The following QTMAN variants were observed in gnomAD, a reference collection of about 807,000 sequenced individuals.
QTMAN encodes the protein queuosine-tRNA mannosyltransferase.
chr2:143,981,734 C>A, the QTMAN span, among the ~76,000 whole-genome samples: 4 of 152,042 alleles, frequency 2.6e-5, no homozygotes, highest in African/African-American at 9.7e-5. Context: ...GCTAAGTATA[C>A]CAGATTGTCA....
the QTMAN span, among the ~76,000 whole-genome samples, chr2:144,091,522 T>C: frequency 6.8e-4 from 103 of 152,318 alleles, no homozygotes; most frequent in African/African-American, 2.0e-3. Context: ...TTAGAAAAGA[T>C]TGACCTTATC....
At chr2:144,246,893 G>C in the QTMAN span, among the ~76,000 whole-genome samples, 3 of 152,192 alleles carry the variant, frequency 2.0e-5, no homozygotes, top group Middle Eastern at 3.2e-3. Context: ...CTTGGACTTT[G>C]CAAGAGCAAG....
chr2:144,009,684 A>C, the QTMAN span, among the ~76,000 whole-genome samples: 1 of 152,154 alleles, frequency 6.6e-6, no homozygotes, highest in Non-Finnish European at 1.5e-5. Flanking sequence ...TAGTAAATTT[A>C]GTCCTTGATT....
chr2:144,285,194 G>A, the QTMAN span, among the ~76,000 whole-genome samples: 3 of 152,026 alleles, frequency 2.0e-5, no homozygotes, highest in African/African-American at 7.2e-5. Context: ...TATTCTTCCA[G>A]AATTCCTTCT....
chr2:144,330,638 A>G, the QTMAN span, among the ~76,000 whole-genome samples: 6 of 152,370 alleles, frequency 3.9e-5, no homozygotes, highest in South Asian at 2.1e-4. Context: ...ATTTTAATCT[A>G]ATGGGTCCAA....
the QTMAN span, among the ~76,000 whole-genome samples, chr2:143,972,181 A>T: frequency 1.3e-5 from 2 of 152,174 alleles, no homozygotes; most frequent in Non-Finnish European, 2.9e-5. Context: ...AAGACTCAAA[A>T]CAGTTTGAAA....
the QTMAN span, among the ~76,000 whole-genome samples, chr2:144,317,828 TG>T: frequency 6.6e-6 from 1 of 152,124 alleles, no homozygotes; most frequent in Non-Finnish European, 1.5e-5. Flanking sequence ...TTTGCAACTG[TG>T]TTCTCTAATT....
the QTMAN span, among the ~76,000 whole-genome samples, chr2:144,180,967 T>C: frequency 6.6e-6 from 1 of 152,198 alleles, no homozygotes; most frequent in South Asian, 2.1e-4. Flanking sequence ...ACAGATTCAC[T>C]AGTAATACTG....
chr2:143,996,081 G>C, the QTMAN span, among the ~76,000 whole-genome samples: 1 of 152,186 alleles, frequency 6.6e-6, no homozygotes. Flanking sequence ...ATCCACTAAG[G>C]TAGGTTCACT....
At chr2:144,032,629 T>C in the QTMAN span, among the ~76,000 whole-genome samples, 3 of 152,234 alleles carry the variant, frequency 2.0e-5, no homozygotes, top group East Asian at 3.9e-4. Context: ...AGGATGTGGT[T>C]TGGTAACAGA....
chr2:144,024,942 GA>G, the QTMAN span, among the ~76,000 whole-genome samples: 3 of 152,126 alleles, frequency 2.0e-5, no homozygotes, highest in East Asian at 1.9e-4. Flanking sequence ...TATTTTGAAA[GA>G]AAAAAATTAG....
the QTMAN span, among the ~76,000 whole-genome samples, chr2:144,229,197 T>C: frequency 2.0e-5 from 3 of 152,364 alleles, no homozygotes; most frequent in East Asian, 1.9e-4. Context: ...TCTCTATGTA[T>C]GTTTCTCTCA....
At chr2:144,058,989 A>G in the QTMAN span, among the ~76,000 whole-genome samples, 1 of 152,220 alleles carries the variant, frequency 6.6e-6, no homozygotes, top group Non-Finnish European at 1.5e-5. Flanking sequence ...AGTTAAATAT[A>G]TAACAAGGAA....
the QTMAN span, among the ~76,000 whole-genome samples, chr2:144,013,976 T>C: frequency 3.6e-3 from 547 of 152,300 alleles, 1 homozygote; most frequent in Non-Finnish European, 5.9e-3. Flanking sequence ...AATTTTGATA[T>C]GGCATTCTCA....
the QTMAN span, among the ~76,000 whole-genome samples, chr2:144,096,414 C>T: frequency 6.6e-6 from 1 of 152,056 alleles, no homozygotes; most frequent in Non-Finnish European, 1.5e-5. Flanking sequence ...CCATATGGAC[C>T]TAATTGTGGT....
chr2:144,196,389 G>A, the QTMAN span, among the ~76,000 whole-genome samples: 2 of 151,668 alleles, frequency 1.3e-5, no homozygotes, highest in Non-Finnish European at 2.9e-5. Flanking sequence ...AAAAATCTTG[G>A]AACCACCAAA....
the QTMAN span, among the ~76,000 whole-genome samples, chr2:144,016,515 T>G: frequency 6.6e-6 from 1 of 152,210 alleles, no homozygotes; most frequent in East Asian, 1.9e-4. Flanking sequence ...TGTAAGAATT[T>G]ACCTTGTTCA....
At chr2:144,298,509 T>C in the QTMAN span, among the ~76,000 whole-genome samples, 2 of 152,164 alleles carry the variant, frequency 1.3e-5, no homozygotes, top group Admixed American at 1.3e-4. Flanking sequence ...CTTGAAATTT[T>C]ACAAAATAAA....
the QTMAN span, among the ~76,000 whole-genome samples, chr2:144,187,146 G>A: frequency 6.6e-6 from 1 of 152,132 alleles, no homozygotes; most frequent in African/African-American, 2.4e-5. Context: ...ACCACTTTGT[G>A]GTTGTCTTGT....
Sources: allele counts gnomAD v4.1 joint callset (sites outside exome capture counted in the v4.1 genomes callset), GRCh38; gene constraint gnomAD v4.1.1; transcripts MANE v1.5; gene names NCBI Gene and HGNC (gene_info 2026-07-23, HGNC 2026-07-21).